Variants in CYP2C19 observed in about 807,000 individuals in gnomAD.
CYP2C19 encodes the protein cytochrome P450 family 2 subfamily C member 19.
CYP2C19 carries 59 observed loss-of-function variants against 40.9 expected under a neutral mutation model. The ratio of observed to expected loss-of-function variants is 1.44; its 90% confidence interval spans 1.17 to 1.79. The LOEUF (loss-of-function observed/expected upper bound fraction) is 1.79. Among genes scored for constraint, CYP2C19 ranks in the 40% most tolerant of loss-of-function variants. The pLI is 0.00. For missense variants in CYP2C19, 754 were observed against 596.9 expected (o/e 1.26, Z -2.74); for synonymous variants, 253 against 208.7 (o/e 1.21, Z -1.83).
intron 5 of CYP2C19, among the ~76,000 whole-genome samples, chr10:94,797,084 A>T (rs1256188376): frequency 1.3e-5 from 2 of 152,110 alleles, no homozygotes; most frequent in African/African-American, 4.8e-5. Flanking sequence ...TTCAAAGGGA[A>T]TGCTTCCAGT....
At chr10:94,798,486 T>C (rs1274936443) in intron 5 of CYP2C19, among the ~76,000 whole-genome samples, 1 of 152,114 alleles carries the variant, frequency 6.6e-6, no homozygotes, top group Non-Finnish European at 1.5e-5. Context: ...GGGTGGCGAG[T>C]TCTGTAGATG....
chr10:94,798,389 C>A (rs540323210), intron 5 of CYP2C19, among the ~76,000 whole-genome samples: 5 of 152,198 alleles, frequency 3.3e-5, no homozygotes, highest in African/African-American at 1.2e-4. Context: ...TTTACATTTG[C>A]TGAGGAGTGC....
chr10:94,772,855 CGCT>C (rs1274219534), intron 1 of CYP2C19, among the ~76,000 whole-genome samples: 5 of 152,200 alleles, frequency 3.3e-5, no homozygotes, highest in African/African-American at 2.4e-5. Flanking sequence ...AACCTTGGCT[CGCT>C]GCAAGCTCCG....
chr10:94,771,074 C>T (rs931143694), intron 1 of CYP2C19, among the ~76,000 whole-genome samples: 3 of 152,146 alleles, frequency 2.0e-5, no homozygotes, highest in Non-Finnish European at 4.4e-5. Flanking sequence ...CCCTGTAGGA[C>T]ATCTATGTAC....
chr10:94,805,054 C>A (rs916917947), intron 5 of CYP2C19, among the ~76,000 whole-genome samples: 3 of 151,896 alleles, frequency 2.0e-5, no homozygotes, highest in African/African-American at 7.3e-5. Flanking sequence ...ATTTCATTTT[C>A]TTGCATGGTT....
chr10:94,795,366 G>C (rs901413871), intron 5 of CYP2C19, among the ~76,000 whole-genome samples: 1 of 151,916 alleles, frequency 6.6e-6, no homozygotes, highest in Non-Finnish European at 1.5e-5. Flanking sequence ...GTATTCCATG[G>C]TGTATATGTG....
rs535845256 is a variant in CYP2C19, at chr10:94,784,565, T to C, written c.819+2568T>C. ...AGTTGCTAATACTTGTAATTTTCTG[T>C]GTTTATTAAAGCCCTCCTAGTGAAT... On this transcript the variant is annotated intron_variant, in intron 5 of 8. Transcript: ENST00000371321. 7.9e-5 allele frequency among the ~76,000 whole-genome samples: 12 copies of C among 152,242 alleles called. No individual in the cohort carries two copies. The East Asian group carries it at 2.3e-3, about 29-fold the overall frequency.
chr10:94,827,012 C>A (rs1589369838), intron 6 of CYP2C19, among the ~76,000 whole-genome samples: 2 of 152,114 alleles, frequency 1.3e-5, no homozygotes, highest in South Asian at 4.1e-4. Context: ...GGGATGAAGC[C>A]CACTCGATCA....
chr10:94,842,930 T>C lies in CYP2C19; in HGVS notation c.1055T>C (p.Val352Ala). ...RGHMPYTDAV[V>A]HEVQRYIDLI... is the part of the protein sequence containing the mutation. ...CACATGCCCTACACAGATGCTGTGG[T>C]GCACGAGGTCCAGAGATACATCGAC... The change falls in exon 7 of 9, where the codon GTG (valine) becomes GCG (alanine). Residue 352 changes from valine to alanine, a missense_variant. Val to Ala is a moderately conservative substitution (Grantham distance 64). Transcript: ENST00000371321. 1.9e-6 allele frequency: 3 copies of C among 1,614,212 alleles called. No homozygotes were observed. Among genetic ancestry groups the C allele is most frequent in the Non-Finnish European group, 2.5e-6 (3 of 1,180,032 alleles).
At chr10:94,819,143 G>A (rs1306534565) in intron 5 of CYP2C19, among the ~76,000 whole-genome samples, 4 of 149,496 alleles carry the variant, frequency 2.7e-5, no homozygotes, top group Non-Finnish European at 4.4e-5. Context: ...ATGACTACTG[G>A]GTATATAACG....
chr10:94,804,590 C>T (rs1360191744), intron 5 of CYP2C19, among the ~76,000 whole-genome samples: 1 of 152,190 alleles, frequency 6.6e-6, no homozygotes, highest in African/African-American at 2.4e-5. Flanking sequence ...TTAGAATAAA[C>T]AAAGTGCTCT....
intron 3 of CYP2C19, chr10:94,776,042 GC>G (rs1848403748): frequency 6.2e-6 from 1 of 162,328 alleles, no homozygotes; most frequent in Non-Finnish European, 1.4e-5. Context: ...GCCCATGCTT[GC>G]CATTCTGGCC....
At chr10:94,805,121 T>A (rs1004435437) in intron 5 of CYP2C19, among the ~76,000 whole-genome samples, 3 of 151,432 alleles carry the variant, frequency 2.0e-5, no homozygotes, top group Admixed American at 6.6e-5. Flanking sequence ...GACATCCTTG[T>A]TTTTTTTCTT....
chr10:94,791,937 C>T (rs558259786), intron 5 of CYP2C19, among the ~76,000 whole-genome samples: 14 of 151,078 alleles, frequency 9.3e-5, no homozygotes, highest in Non-Finnish European at 1.9e-4. Context: ...CTTTCTGTCT[C>T]GATCTGTCAA....
intron 1 of CYP2C19, among the ~76,000 whole-genome samples, chr10:94,767,474 T>A (rs2134230640): frequency 6.6e-6 from 1 of 152,320 alleles, no homozygotes; most frequent in East Asian, 1.9e-4. Flanking sequence ...TTTGTAAAGG[T>A]ATCAACACAG....
intron 6 of CYP2C19, among the ~76,000 whole-genome samples, chr10:94,833,323 C>T (rs1849358261): frequency 6.6e-6 from 1 of 152,166 alleles, no homozygotes; most frequent in African/African-American, 2.4e-5. Context: ...TAGTGGACAT[C>T]CTTGTCATGT....
intron 4 of CYP2C19, 109 bp downstream of exon 4, chr10:94,780,768 T>C (rs561007641): frequency 1.6e-6 from 2 of 1,233,966 alleles, no homozygotes; most frequent in East Asian, 2.3e-5. Context: ...AATACTACAG[T>C]CTTGCCTAGA....
chr10:94,775,128 A>G lies in CYP2C19; in HGVS notation c.239A>G (p.Tyr80Cys). The change falls in exon 2 of 9, where the codon TAT becomes TGT. Residue 80 changes from tyrosine to cysteine, a missense_variant. Coordinates refer to ENST00000371321, the MANE Select transcript of CYP2C19 (RefSeq NM_000769.4). The part of the protein sequence containing the change: ...GLERMVVLHG[Y>C]EVVKEALIDL... ...GAACGCATGGTGGTGCTGCATGGAT[A>G]TGAAGTGGTGAAGGAAGCCCTGATT... 1 of 1,614,118 alleles carries G rather than the reference A, an allele frequency of 6.2e-7. No homozygotes were observed. The highest frequency in any genetic ancestry group is 1.1e-5 in the South Asian group (1 of 91,082).
intron 5 of CYP2C19, among the ~76,000 whole-genome samples, chr10:94,806,090 T>A (rs1204531976): frequency 6.7e-6 from 1 of 149,590 alleles, no homozygotes; most frequent in African/African-American, 2.4e-5. Flanking sequence ...ACCAACATTC[T>A]ACTTTATGTC....
Sources: allele counts gnomAD v4.1 joint callset (sites outside exome capture counted in the v4.1 genomes callset), GRCh38; gene constraint gnomAD v4.1.1; transcripts MANE v1.5; gene names NCBI Gene and HGNC (gene_info 2026-07-23, HGNC 2026-07-21).